Variants in FAM114A1 observed in about 807,000 individuals in gnomAD.
FAM114A1 encodes the protein protein NOXP20.
A neutral mutation model predicts 64.3 loss-of-function variants in FAM114A1; 62 were observed. That is an observed-to-expected ratio of 0.96 (90% CI 0.79 to 1.19). The LOEUF is 1.19. FAM114A1 is among the 50% of genes most tolerant of loss of function. The pLI, the probability that FAM114A1 is intolerant of heterozygous loss-of-function variation, is 0.00. For synonymous variants in FAM114A1, 254 were observed against 251.1 expected, an observed-to-expected ratio of 1.01 and a Z score of -0.11; for missense variants, 645 against 676.3, an observed-to-expected ratio of 0.95 and a Z score of 0.51.
At chr4:38,929,173 T>C (rs775204128) in intron 9 of FAM114A1, 69 bp from the exon 10 acceptor site, 24 of 1,236,838 alleles carry the variant, frequency 1.9e-5, no homozygotes, top group Non-Finnish European at 2.4e-5. Context: ...GGCTGTAATG[T>C]TGGGGGAGCT....
At chr4:38,935,654 C>T (rs1721015671) in intron 12 of FAM114A1, 64 bp from the exon 13 acceptor site, 6 of 1,149,562 alleles carry the variant, frequency 5.2e-6, no homozygotes, top group East Asian at 2.4e-5. Context: ...CAGAAATGGT[C>T]GTGACAGTTA....
At chr4:38,938,194 A>G (rs889721535) in intron 13 of FAM114A1, among the ~76,000 whole-genome samples, 4 of 152,168 alleles carry the variant, frequency 2.6e-5, no homozygotes, top group Admixed American at 6.5e-5. Flanking sequence ...CTCAGCAGCA[A>G]TTGGGGACAG....
In FAM114A1 at chr4:38,914,965, G is replaced by A; in HGVS notation, c.837G>A (p.Gln279=). 6.2e-7 allele frequency: 1 copy of A among 1,614,150 alleles called. No homozygotes were observed. Among genetic ancestry groups the A allele is most frequent in the Non-Finnish European group, 8.5e-7 (1 of 1,180,020 alleles). Residue 279 remains glutamine, a synonymous_variant, in exon 8 of 15, where the codon CAG becomes CAA. Transcript: ENST00000358869. ...AGAAGGAGAAGCAGAGACTGGCACA[G>A]CAGCTCACGATGGAGAGAACCGCGC... The part of the protein sequence containing the change: ...AKEKEKQRLA[Q]QLTMERTAHY...
chr4:38,932,822 A>G (rs1482103042), intron 12 of FAM114A1, among the ~76,000 whole-genome samples: 1 of 151,514 alleles, frequency 6.6e-6, no homozygotes, highest in East Asian at 1.9e-4. Context: ...AAGTCAACCA[A>G]TTCCATTGTT....
intron 8 of FAM114A1, among the ~76,000 whole-genome samples, chr4:38,921,486 T>G (rs1322101750): frequency 6.6e-6 from 1 of 152,144 alleles, no homozygotes; most frequent in Non-Finnish European, 1.5e-5. Flanking sequence ...GCCCTCAAAC[T>G]CCTGGGCTCA....
At chr4:38,937,669 G>C (rs1228084851) in intron 13 of FAM114A1, among the ~76,000 whole-genome samples, 1 of 152,124 alleles carries the variant, frequency 6.6e-6, no homozygotes, top group African/African-American at 2.4e-5. Flanking sequence ...AGACAGAAAG[G>C]AGGCTTTATG....
rs372239324 is a variant in FAM114A1, at chr4:38,878,028, A to G, written c.-8-43A>G. ...ATCCAGGGCTTTGAATTGAAGCTTAACAATTCGATGAAAGCATGAGGTGTT... is the reference window on the plus strand; with the variant it reads ...ATCCAGGGCTTTGAATTGAAGCTTAGCAATTCGATGAAAGCATGAGGTGTT... On this transcript the variant is annotated intron_variant, in intron 2 of 14. Coordinates refer to ENST00000358869, the MANE Select transcript of FAM114A1 (RefSeq NM_138389.4). The G allele has an allele frequency of 1.2e-5, 18 of 1,479,786 alleles. No homozygotes were observed. The African/African-American group carries it at 2.4e-4, about 20-fold the overall frequency. The allele number at this position is 1,479,786 out of a possible 1,614,324, so 91.7% of individuals were successfully genotyped here.
At chr4:38,907,453 C>G (rs1718132703) in intron 6 of FAM114A1, among the ~76,000 whole-genome samples, 1 of 152,218 alleles carries the variant, frequency 6.6e-6, no homozygotes, top group Non-Finnish European at 1.5e-5. Flanking sequence ...ACACAAATCC[C>G]TGTGTCCTTT....
rs570605330 is a variant in FAM114A1, at chr4:38,940,986, G to A, written c.1555G>A (p.Val519Ile). Residue 519 changes from valine to isoleucine, a missense_variant, in exon 14 of 15, where the codon GTC (valine) becomes ATC (isoleucine). Transcript: ENST00000358869. ...TCCACAGAGCAACAAGAAGGCCGAG[G>A]TCCTTAACCCCATGATCAGTAGTGT... ...TTVGSNKKAE[V>I]LNPMISSVLL... is the part of the protein sequence containing the mutation. The A allele has an allele frequency of 1.9e-6, 3 of 1,614,024 alleles. No homozygotes were observed. The highest frequency in any genetic ancestry group is 2.2e-5 in the South Asian group (2 of 91,076).
intron 7 of FAM114A1, among the ~76,000 whole-genome samples, chr4:38,912,606 A>G (rs774467407): frequency 2.0e-5 from 3 of 150,956 alleles, no homozygotes; most frequent in Admixed American, 6.6e-5. Context: ...CTGGTCTTGA[A>G]CTCCTGACCT....
rs1407224230 is a variant in FAM114A1, at chr4:38,932,223, T to C, written c.1324-12T>C. 1.9e-6 allele frequency: 3 copies of C among 1,585,894 alleles called. No homozygotes were observed. Among genetic ancestry groups the C allele is most frequent in the Non-Finnish European group, 2.6e-6 (3 of 1,172,170 alleles). ...CAGTAAAAAATTTCTTGCTTGTGTC[T>C]ATTCATTTCAGGAAGTATACATGTC... is the stretch of plus-strand genomic sequence containing the variant. On this transcript the variant is annotated splice_polypyrimidine_tract_variant and intron_variant, in intron 11 of 14. Coordinates refer to ENST00000358869, the MANE Select transcript of FAM114A1 (RefSeq NM_138389.4).
At chr4:38,910,449 A>G (rs1718429587) in intron 7 of FAM114A1, among the ~76,000 whole-genome samples, 1 of 152,210 alleles carries the variant, frequency 6.6e-6, no homozygotes, top group Admixed American at 6.5e-5. Context: ...CTGAGCCCAC[A>G]TCTTCTGGCC....
intron 3 of FAM114A1, among the ~76,000 whole-genome samples, chr4:38,882,033 C>T (rs1259976366): frequency 6.6e-6 from 1 of 152,092 alleles, no homozygotes; most frequent in African/African-American, 2.4e-5. Flanking sequence ...CTGACCAGGG[C>T]CGGGCGCGGT....
chr4:38,932,102 A>G, intron 11 of FAM114A1, 133 bp from the exon 12 acceptor site: 1 of 1,030,834 alleles, frequency 9.7e-7, no homozygotes, highest in Non-Finnish European at 1.4e-6. Context: ...TATGCTTGTA[A>G]TCATCAGGTT....
intron 6 of FAM114A1, among the ~76,000 whole-genome samples, chr4:38,907,250 T>G (rs1217995776): frequency 1.3e-5 from 2 of 151,694 alleles, no homozygotes; most frequent in African/African-American, 2.4e-5. Context: ...CCGTGGGGGG[T>G]TTGTAGGATG....
Position 38,910,470 on chromosome 4 carries a change from G to A in FAM114A1, c.792+1744G>A, listed in dbSNP as rs183371184. Reference sequence around the variant, plus strand: ...CCACATCTTCTGGCCTCATCATCTTGAAATGCCTTACTTCCAGCCTCACAG... The same window carrying A: ...CCACATCTTCTGGCCTCATCATCTTAAAATGCCTTACTTCCAGCCTCACAG... On this transcript the variant is annotated intron_variant, in intron 7 of 14. Transcript: ENST00000358869. Among the ~76,000 whole-genome samples, 531 of 152,282 alleles carry A rather than the reference G, an allele frequency of 3.5e-3. 5 individuals are homozygous for A. Among genetic ancestry groups the A allele is most frequent in the Non-Finnish European group, 3.4e-3 (229 of 68,028 alleles).
intron 4 of FAM114A1, among the ~76,000 whole-genome samples, chr4:38,903,842 A>G (rs56409419): frequency 0.49 from 74,291 of 152,080 alleles, 18,247 homozygotes; most frequent in Middle Eastern, 0.63. Flanking sequence ...TAATGTTTAC[A>G]TTTCAGGGTT....
intron 3 of FAM114A1, among the ~76,000 whole-genome samples, chr4:38,879,829 A>G (rs1579297139): frequency 1.3e-5 from 2 of 152,308 alleles, no homozygotes; most frequent in South Asian, 4.1e-4. Context: ...TCTCAACTTC[A>G]GCTGAATGTT....
chr4:38,934,169 T>C (rs1720889610), intron 12 of FAM114A1, among the ~76,000 whole-genome samples: 1 of 152,204 alleles, frequency 6.6e-6, no homozygotes, highest in South Asian at 2.1e-4. Context: ...CAGTACTAAT[T>C]GGAAAGAAGA....
Sources: gnomAD v4.1 joint callset for allele counts (sites outside exome capture counted in the v4.1 genomes callset) on GRCh38, gnomAD v4.1.1 for gene constraint, MANE v1.5 for transcripts, NCBI Gene and HGNC (gene_info 2026-07-23, HGNC 2026-07-21) for gene names.